The following RALYL variants were observed in gnomAD, a reference collection of about 807,000 sequenced individuals.
The protein encoded by RALYL is RNA-binding Raly-like protein.
In RALYL, 29 loss-of-function variants were observed where a neutral mutation model predicts 35.1. The ratio of observed to expected loss-of-function variants is 0.83; its 90% CI spans 0.61 to 1.13. The LOEUF (loss-of-function observed/expected upper bound fraction) is 1.13. RALYL is among the 50% of genes most tolerant of loss of function. The pLI is 0.00. For synonymous variants in RALYL, 120 were observed against 127.6 expected (o/e 0.94, Z 0.40); for missense variants, 359 against 360.4 (o/e 1.00, Z 0.03).
At chr8:84,889,997 C>T (rs953822640) in intron 8 of RALYL, among the ~76,000 whole-genome samples, 1 of 152,180 alleles carries the variant, frequency 6.6e-6, no homozygotes, top group African/African-American at 2.4e-5. Flanking sequence ...TTGCCTCATG[C>T]AACCCATTCT....
chr8:84,368,832 A>G (rs989117700), intron 1 of RALYL, among the ~76,000 whole-genome samples: 3 of 152,196 alleles, frequency 2.0e-5, no homozygotes, highest in African/African-American at 7.2e-5. Context: ...AAACCATATC[A>G]GTCAGCAACC....
intron 8 of RALYL, among the ~76,000 whole-genome samples, chr8:84,902,619 G>A (rs771883781): frequency 2.0e-5 from 3 of 152,130 alleles, no homozygotes; most frequent in East Asian, 1.9e-4. Flanking sequence ...ATGGGGAAAC[G>A]GGAAGTCAGT....
intron 2 of RALYL, among the ~76,000 whole-genome samples, chr8:84,659,750 T>C (rs935890875): frequency 1.3e-5 from 2 of 152,202 alleles, no homozygotes; most frequent in African/African-American, 4.8e-5. Context: ...GCTTTTGCCA[T>C]TTATATTCAA....
rs12546324 is a variant in RALYL at position 84,299,710 on chromosome 8, C to A, written c.-24+115286C>A. Among the ~76,000 whole-genome samples the A allele has an allele frequency of 3.6e-3, 551 of 151,916 alleles. 5 individuals are homozygous for A. In the East Asian group the frequency reaches 0.043, roughly 12 times the overall value. On this transcript the variant is annotated intron_variant, in intron 1 of 8. Coordinates refer to ENST00000521268, the MANE Select transcript of RALYL (RefSeq NM_173848.7). ...TTTAAACTTGGGAGTTTGTATATTG[C>A]CAGGAATTATCCATTTATTGTAGAT...
chr8:84,363,255 G>A (rs1412454677), intron 1 of RALYL, among the ~76,000 whole-genome samples: 2 of 152,196 alleles, frequency 1.3e-5, no homozygotes, highest in Admixed American at 6.5e-5. Flanking sequence ...TCTAATCGCA[G>A]TGATGTTGGC....
At chr8:84,418,897 C>T (rs1443525847) in intron 1 of RALYL, among the ~76,000 whole-genome samples, 1 of 152,064 alleles carries the variant, frequency 6.6e-6, no homozygotes, top group Non-Finnish European at 1.5e-5. Context: ...CATTTTATCA[C>T]CTGAAACCTC....
At chr8:84,736,497 C>G (rs1847337311) in intron 2 of RALYL, among the ~76,000 whole-genome samples, 1 of 152,028 alleles carries the variant, frequency 6.6e-6, no homozygotes. Flanking sequence ...ATATAAGCTA[C>G]ACATGCAAAA....
At position 84,617,081 on chromosome 8, in the gene RALYL, T is replaced by C. The variant is rs564193225; in HGVS notation, c.256+87504T>C. 1.1e-4 allele frequency among the ~76,000 whole-genome samples: 17 copies of C among 150,848 alleles called. No individual in the cohort carries two copies. The South Asian group carries it at 3.5e-3, about 31-fold the overall frequency. On this transcript the variant is annotated intron_variant, in intron 2 of 8. Coordinates refer to ENST00000521268, the MANE Select transcript of RALYL (RefSeq NM_173848.7). ...GATTGACTCGGTGATGCAGGCTCTTTTTTGGTTCCATATGAACTTTAAAGT... is the reference window on the plus strand; with the variant it reads ...GATTGACTCGGTGATGCAGGCTCTTCTTTGGTTCCATATGAACTTTAAAGT...
chr8:84,732,863 T>A (rs1846509776), intron 2 of RALYL, among the ~76,000 whole-genome samples: 2 of 151,478 alleles, frequency 1.3e-5, no homozygotes, highest in Non-Finnish European at 1.5e-5. Flanking sequence ...GCCTGGCTAA[T>A]TTTTTGTGTT....
intron 1 of RALYL, among the ~76,000 whole-genome samples, chr8:84,431,812 T>C (rs1407590073): frequency 6.6e-6 from 1 of 152,170 alleles, no homozygotes; most frequent in Non-Finnish European, 1.5e-5. Context: ...TTAAGTTGAT[T>C]TCATATCTTG....
At chr8:84,313,237 C>T (rs1394739472) in intron 1 of RALYL, among the ~76,000 whole-genome samples, 2 of 152,296 alleles carry the variant, frequency 1.3e-5, no homozygotes, top group Admixed American at 1.3e-4. Context: ...AGACCTGGCC[C>T]ACGAAACCAT....
intron 1 of RALYL, among the ~76,000 whole-genome samples, chr8:84,325,546 C>T (rs1234630202): frequency 1.3e-5 from 2 of 152,168 alleles, no homozygotes; most frequent in African/African-American, 4.8e-5. Flanking sequence ...CAAAGATAGA[C>T]AAGGACTGCC....
intron 1 of RALYL, among the ~76,000 whole-genome samples, chr8:84,252,023 G>A (rs899936800): frequency 4.0e-5 from 6 of 151,810 alleles, no homozygotes; most frequent in East Asian, 1.9e-4. Context: ...TATATTAAAT[G>A]GGGGAATCTG....
intron 2 of RALYL, among the ~76,000 whole-genome samples, chr8:84,669,326 T>G (rs1179202745): frequency 6.6e-6 from 1 of 152,160 alleles, no homozygotes; most frequent in Non-Finnish European, 1.5e-5. Context: ...AATTACCATT[T>G]TGGAACACCC....
At chr8:84,405,745 T>C (rs1044993772) in intron 1 of RALYL, among the ~76,000 whole-genome samples, 32 of 151,694 alleles carry the variant, frequency 2.1e-4, no homozygotes, top group Admixed American at 1.4e-3. Flanking sequence ...GGATATTACA[T>C]AAAACTGTAG....
intron 1 of RALYL, among the ~76,000 whole-genome samples, chr8:84,309,354 G>A (rs888900785): frequency 6.6e-6 from 1 of 151,570 alleles, no homozygotes; most frequent in African/African-American, 2.4e-5. Context: ...CAAATCAGAA[G>A]TAGTATAGAA....
chr8:84,844,104 C>A (rs1834047969), intron 4 of RALYL, among the ~76,000 whole-genome samples: 1 of 152,032 alleles, frequency 6.6e-6, no homozygotes. Context: ...CAACAGAAGC[C>A]AAAATTGACA....
chr8:84,383,660 A>G (rs1858497603), intron 1 of RALYL, among the ~76,000 whole-genome samples: 2 of 151,534 alleles, frequency 1.3e-5, no homozygotes. Context: ...AGGTAGATTG[A>G]AAAGTAGATA....
chr8:84,192,907 G>GTGT (rs199523841), intron 1 of RALYL, among the ~76,000 whole-genome samples: 37 of 92,892 alleles, frequency 4.0e-4, no homozygotes, highest in African/African-American at 1.6e-3. Context: ...GTGTGTGTGT[G>GTGT]GGGGGGGGGG....
Sources: gnomAD v4.1 joint callset for allele counts (sites outside exome capture counted in the v4.1 genomes callset) on GRCh38, gnomAD v4.1.1 for gene constraint, MANE v1.5 for transcripts, NCBI Gene and HGNC (gene_info 2026-07-23, HGNC 2026-07-21) for gene names.